Variants in ARHGEF26 observed in about 807,000 individuals in gnomAD.
The protein encoded by ARHGEF26 is Rho guanine nucleotide exchange factor (GEF) 26.
A neutral mutation model predicts 89.4 loss-of-function variants in ARHGEF26; 59 were observed. That is an observed-to-expected ratio of 0.66 (90% CI 0.54 to 0.82). The LOEUF (loss-of-function observed/expected upper bound fraction) is 0.82. ARHGEF26 is among the 40% of genes least tolerant of loss of function. ARHGEF26 has a pLI of 0.00. For synonymous variants in ARHGEF26, 500 were observed against 428.4 expected, an observed-to-expected ratio of 1.17 and a Z score of -2.06; for missense variants, 1,234 against 1,085.6, an observed-to-expected ratio of 1.14 and a Z score of -1.92.
At chr3:154,224,989 A>G (rs1447123680) in intron 10 of ARHGEF26, among the ~76,000 whole-genome samples, 1 of 151,986 alleles carries the variant, frequency 6.6e-6, no homozygotes, top group East Asian at 1.9e-4. Context: ...TGTGTCCAAG[A>G]ACTTTTGCTT....
rs968023258 is a variant in ARHGEF26, at chr3:154,206,138, A to G, written c.1845+11420A>G. Among the ~76,000 whole-genome samples, 8 of 152,116 alleles carry G rather than the reference A, an allele frequency of 5.3e-5. No individual in the cohort carries two copies. The East Asian group carries it at 1.5e-3, about 29-fold the overall frequency. Reference sequence around the variant, plus strand: ...TGTCTTTGTTTCTCCTTCATGTTTGAAGGATATTTTCACTGGATATACTAT... The same window carrying G: ...TGTCTTTGTTTCTCCTTCATGTTTGGAGGATATTTTCACTGGATATACTAT... On this transcript the variant is annotated intron_variant, in intron 9 of 14. Transcript: ENST00000465093.
chr3:154,172,585 T>C (rs150105216), intron 6 of ARHGEF26, among the ~76,000 whole-genome samples: 1 of 152,140 alleles, frequency 6.6e-6, no homozygotes, highest in Non-Finnish European at 1.5e-5. Flanking sequence ...TCCCAGCTAC[T>C]CTGTAGGCTG....
rs1281970940 is a variant in ARHGEF26 at position 154,253,147 on chromosome 3, G to A, written c.2332G>A (p.Gly778Arg). The A allele has an allele frequency of 5.6e-6, 9 of 1,613,850 alleles. No individual in the cohort carries two copies. Among genetic ancestry groups the A allele is most frequent in the Non-Finnish European group, 7.6e-6 (9 of 1,179,890 alleles). The change falls in exon 13 of 15, where the codon GGA becomes AGA. Residue 778 changes from glycine (G) to arginine (R), a missense_variant. Coordinates refer to ENST00000465093, the MANE Select transcript of ARHGEF26 (RefSeq NM_015595.4). ...SERARWITAL[G>R]HSSGKPPADR... ...GCGAGCCCGCTGGATAACTGCCCTG[G>A]GACACAGCAGCGGGAAGCCGCCTGC...
intron 4 of ARHGEF26, among the ~76,000 whole-genome samples, chr3:154,131,188 G>A (rs1718664443): frequency 6.6e-6 from 1 of 152,160 alleles, no homozygotes; most frequent in African/African-American, 2.4e-5. Context: ...GGAGTGGTGG[G>A]AGCTGTGGTG....
intron 11 of ARHGEF26, among the ~76,000 whole-genome samples, chr3:154,235,811 C>T (rs941602113): frequency 6.6e-6 from 1 of 152,178 alleles, no homozygotes; most frequent in Non-Finnish European, 1.5e-5. Flanking sequence ...CACCCTCAGC[C>T]CTTCTTCCTC....
chr3:154,161,857 T>G (rs1303694264), intron 6 of ARHGEF26, among the ~76,000 whole-genome samples: 1 of 152,164 alleles, frequency 6.6e-6, no homozygotes, highest in Non-Finnish European at 1.5e-5. Context: ...ATTCCTTGAA[T>G]CAGTGCTTCA....
intron 10 of ARHGEF26, among the ~76,000 whole-genome samples, chr3:154,221,940 C>A (rs951442586): frequency 6.6e-6 from 1 of 152,058 alleles, no homozygotes; most frequent in African/African-American, 2.4e-5. Context: ...TATGGTATGG[C>A]CATAGGTGCT....
At chr3:154,243,654 A>G (rs891371653) in intron 12 of ARHGEF26, among the ~76,000 whole-genome samples, 9 of 152,084 alleles carry the variant, frequency 5.9e-5, no homozygotes, top group African/African-American at 2.2e-4. Context: ...TAGTTATTTA[A>G]TTAATAGCAA....
chr3:154,224,417 T>C (rs1334951244), intron 10 of ARHGEF26, among the ~76,000 whole-genome samples: 3 of 152,152 alleles, frequency 2.0e-5, no homozygotes, highest in African/African-American at 7.2e-5. Flanking sequence ...ATAAAACAAT[T>C]TAAAAATCTT....
chr3:154,230,366 T>C lies in ARHGEF26; in HGVS notation c.2090+4356T>C, dbSNP rs562318759. 2.6e-5 allele frequency among the ~76,000 whole-genome samples: 4 copies of C among 152,380 alleles called. No individual in the cohort carries two copies. In the South Asian group the frequency reaches 8.3e-4, roughly 32 times the overall value. On this transcript the variant is annotated intron_variant, in intron 11 of 14. Coordinates refer to ENST00000465093, the MANE Select transcript of ARHGEF26 (RefSeq NM_015595.4). ...TTTCAGCAGAGCCAGGATTCTAATC[T>C]GAGTCTTTGTTTCCAGAGGCTCAAT...
intron 6 of ARHGEF26, among the ~76,000 whole-genome samples, chr3:154,169,167 T>A (rs1346275589): frequency 6.6e-6 from 1 of 152,138 alleles, no homozygotes; most frequent in African/African-American, 2.4e-5. Flanking sequence ...AATGGGGGCC[T>A]GCACTCAGAT....
At chr3:154,205,011 T>C (rs1714924963) in intron 9 of ARHGEF26, among the ~76,000 whole-genome samples, 3 of 152,320 alleles carry the variant, frequency 2.0e-5, no homozygotes, top group South Asian at 4.1e-4. Flanking sequence ...TAAATATCTA[T>C]TAGATCCATT....
chr3:154,121,721 G>C (rs1278732842), intron 1 of ARHGEF26, among the ~76,000 whole-genome samples: 2 of 152,216 alleles, frequency 1.3e-5, no homozygotes, highest in Non-Finnish European at 1.5e-5. Context: ...GCGCGGGAGG[G>C]ACGCGGAGGT....
At chr3:154,218,333 TCTC>T (rs1337389400) in intron 10 of ARHGEF26, among the ~76,000 whole-genome samples, 1 of 152,226 alleles carries the variant, frequency 6.6e-6, no homozygotes, top group African/African-American at 2.4e-5. Flanking sequence ...GGACCAGTGT[TCTC>T]CTAAATTAAA....
At chr3:154,203,049 G>A (rs996612176) in intron 9 of ARHGEF26, among the ~76,000 whole-genome samples, 2 of 152,108 alleles carry the variant, frequency 1.3e-5, no homozygotes, top group Non-Finnish European at 2.9e-5. Context: ...AATAGGAGTG[G>A]GGAGAGAGGG....
chr3:154,244,771 A>C (rs145228827), intron 12 of ARHGEF26, among the ~76,000 whole-genome samples: 1 of 152,220 alleles, frequency 6.6e-6, no homozygotes, highest in East Asian at 1.9e-4. Context: ...GAAGTGACTC[A>C]CAAAGGCCAT....
At chr3:154,243,320 C>T (rs957323673) in intron 12 of ARHGEF26, among the ~76,000 whole-genome samples, 1 of 152,116 alleles carries the variant, frequency 6.6e-6, no homozygotes, top group Non-Finnish European at 1.5e-5. Flanking sequence ...TTTTCCTTTT[C>T]TTTGGTTTAC....
chr3:154,200,902 A>G (rs947779290), intron 9 of ARHGEF26, among the ~76,000 whole-genome samples: 5 of 152,068 alleles, frequency 3.3e-5, no homozygotes, highest in African/African-American at 1.2e-4. Flanking sequence ...CACTGTTGGC[A>G]TATAGAAATG....
At chr3:154,195,868 G>T (rs1471206397) in intron 9 of ARHGEF26, among the ~76,000 whole-genome samples, 1 of 152,116 alleles carries the variant, frequency 6.6e-6, no homozygotes, top group African/African-American at 2.4e-5. Flanking sequence ...CCTGAGGAAT[G>T]ACCATGAGGA....
Sources: gnomAD v4.1 joint callset for allele counts (sites outside exome capture counted in the v4.1 genomes callset) on GRCh38, gnomAD v4.1.1 for gene constraint, MANE v1.5 for transcripts, NCBI Gene and HGNC (gene_info 2026-07-23, HGNC 2026-07-21) for gene names.